Variants in ADGRL3 observed in about 807,000 individuals in gnomAD.
ADGRL3 encodes calcium-independent alpha-latrotoxin receptor 3.
ADGRL3 carries 62 observed loss-of-function variants against 153.5 expected under a neutral mutation model. The ratio of observed to expected loss-of-function variants is 0.40; its 90% CI spans 0.33 to 0.50. The LOEUF (loss-of-function observed/expected upper bound fraction) is 0.50. Ranked by LOEUF, ADGRL3 falls within the 20% of genes least tolerant of loss-of-function variation. The pLI, the probability that ADGRL3 is intolerant of heterozygous loss-of-function variation, is 0.47. For synonymous variants in ADGRL3, 710 were observed against 672.5 expected (o/e 1.06, Z -0.86); for missense variants, 1,641 against 1,859.4 (o/e 0.88, Z 2.16).
intron 5 of ADGRL3, among the ~76,000 whole-genome samples, chr4:61,595,724 C>G (rs1389506717): frequency 6.6e-6 from 1 of 152,100 alleles, no homozygotes; most frequent in African/African-American, 2.4e-5. Context: ...CCTAGCCTAG[C>G]ACTAGGAATT....
At chr4:61,966,309 T>C (rs2099006517) in intron 17 of ADGRL3, among the ~76,000 whole-genome samples, 1 of 152,152 alleles carries the variant, frequency 6.6e-6, no homozygotes, top group African/African-American at 2.4e-5. Flanking sequence ...TATTATATGG[T>C]TTTTATAATC....
chr4:61,739,684 C>A (rs1277716448), intron 8 of ADGRL3, among the ~76,000 whole-genome samples: 2 of 152,166 alleles, frequency 1.3e-5, no homozygotes, highest in African/African-American at 4.8e-5. Context: ...ACTGTCAGCA[C>A]ATGGATCTAT....
chr4:61,834,138 T>A (rs1024852027), intron 9 of ADGRL3, among the ~76,000 whole-genome samples: 19 of 111,634 alleles, frequency 1.7e-4, no homozygotes, highest in African/African-American at 6.2e-4. Context: ...CAGGCCCTGG[T>A]GTGTGATGTT....
At chr4:61,767,877 T>A (rs2097018705) in intron 8 of ADGRL3, among the ~76,000 whole-genome samples, 1 of 151,902 alleles carries the variant, frequency 6.6e-6, no homozygotes, top group African/African-American at 2.4e-5. Flanking sequence ...AATTGCAACT[T>A]TTTTCTGTTA....
chr4:61,895,655 G>A (rs1358491659), intron 10 of ADGRL3, 76 bp from the exon 11 acceptor site: 4 of 721,322 alleles, frequency 5.5e-6, no homozygotes, highest in Non-Finnish European at 9.1e-6. Context: ...TTTTACCTTT[G>A]CTTATTTTAA....
chr4:61,482,517 A>G (rs1448173632), intron 2 of ADGRL3, among the ~76,000 whole-genome samples: 3 of 152,148 alleles, frequency 2.0e-5, no homozygotes, highest in Non-Finnish European at 4.4e-5. Flanking sequence ...GGTGCTCCTG[A>G]ATTGTCCTTG....
chr4:61,514,170 A>G (rs1448202286), intron 3 of ADGRL3, among the ~76,000 whole-genome samples: 4 of 152,192 alleles, frequency 2.6e-5, no homozygotes, highest in African/African-American at 7.2e-5. Context: ...GGAGAATGCC[A>G]GGGCATAGAT....
In ADGRL3 at chr4:62,070,358, A is replaced by C; in HGVS notation, c.4082A>C (p.Asn1361Thr). ...RSSEQNRNLMNKLVNNLGSGR... is the reference protein window; with the variant it reads ...RSSEQNRNLMTKLVNNLGSGR... Reference sequence around the variant, plus strand: ...AGTGAACAGAACAGGAATCTGATGAACAAGCTGGTGAATAACCTTGGCAGT... The same window carrying C: ...AGTGAACAGAACAGGAATCTGATGACCAAGCTGGTGAATAACCTTGGCAGT... The change falls in exon 27 of 27, where the codon AAC becomes ACC. Residue 1361 changes from asparagine to threonine, a missense_variant. By Grantham distance (65) the Asn-to-Thr change is moderately conservative. Coordinates refer to ENST00000683033, the MANE Select transcript of ADGRL3 (RefSeq NM_001387552.1). 1 of 1,552,290 alleles carries C rather than the reference A, an allele frequency of 6.4e-7. No individual in the cohort carries two copies. Among genetic ancestry groups the C allele is most frequent in the African/African-American group, 1.4e-5 (1 of 73,128 alleles).
At chr4:61,281,406 T>G (rs1387988853) in intron 1 of ADGRL3, among the ~76,000 whole-genome samples, 1 of 152,182 alleles carries the variant, frequency 6.6e-6, no homozygotes, top group Non-Finnish European at 1.5e-5. Context: ...CTCTCGCACA[T>G]AAAACTGTAG....
chr4:61,475,202 T>C (rs2098030502), intron 2 of ADGRL3, among the ~76,000 whole-genome samples: 1 of 152,168 alleles, frequency 6.6e-6, no homozygotes, highest in African/African-American at 2.4e-5. Flanking sequence ...GCATATCACA[T>C]GCCGTAAGAT....
At chr4:61,558,307 T>A (rs961415383) in intron 4 of ADGRL3, among the ~76,000 whole-genome samples, 55 of 151,298 alleles carry the variant, frequency 3.6e-4, no homozygotes, top group African/African-American at 1.2e-3. Context: ...GTTCTTCTTA[T>A]GTGTTCCTGG....
At position 62,070,537 on chromosome 4, in the gene ADGRL3, A is replaced by G; in HGVS notation, c.4261A>G (p.Arg1421Gly). The change falls in exon 27 of 27, where the codon AGA (arginine) becomes GGA (glycine). Residue 1421 changes from arginine to glycine, a missense_variant. By Grantham distance (125) the Arg-to-Gly change is moderately radical. Coordinates refer to ENST00000683033, the MANE Select transcript of ADGRL3 (RefSeq NM_001387552.1). ...GAACCACCAGCCACACCATTATACC[A>G]GAAGGCGGATCCCCCAAGACCACAG... ...TENHQPHHYTRRRIPQDHSES... is the reference protein window; with the variant it reads ...TENHQPHHYTGRRIPQDHSES... 6.5e-7 allele frequency: 1 copy of G among 1,549,410 alleles called. No homozygotes were observed. The highest frequency in any genetic ancestry group is 2.5e-5 in the East Asian group (1 of 40,782).
chr4:61,622,129 A>G (rs1254024801), intron 5 of ADGRL3, among the ~76,000 whole-genome samples: 1 of 152,158 alleles, frequency 6.6e-6, no homozygotes, highest in Non-Finnish European at 1.5e-5. Context: ...TGAATTAAAC[A>G]TTTCAAATAA....
At chr4:61,790,877 G>A (rs902069090) in intron 8 of ADGRL3, among the ~76,000 whole-genome samples, 1 of 152,102 alleles carries the variant, frequency 6.6e-6, no homozygotes, top group Non-Finnish European at 1.5e-5. Context: ...TTGTGCAGGG[G>A]AACTCCTCTT....
chr4:61,267,474 A>ATCTGGATTG (rs2092920364), intron 1 of ADGRL3, among the ~76,000 whole-genome samples: 1 of 151,744 alleles, frequency 6.6e-6, no homozygotes, highest in Non-Finnish European at 1.5e-5. Context: ...GAGGAAGCAC[A>ATCTGGATTG]GATGGATTCA....
At chr4:61,873,396 T>C (rs1561396321) in intron 9 of ADGRL3, among the ~76,000 whole-genome samples, 1 of 152,244 alleles carries the variant, frequency 6.6e-6, no homozygotes, top group Non-Finnish European at 1.5e-5. Context: ...GCTTTGTATT[T>C]TGTGCTTTGC....
intron 8 of ADGRL3, among the ~76,000 whole-genome samples, chr4:61,794,405 T>G (rs2097381859): frequency 6.6e-6 from 1 of 152,204 alleles, no homozygotes; most frequent in Non-Finnish European, 1.5e-5. Flanking sequence ...TACTAATGTA[T>G]TCAAAAGAGA....
chr4:61,319,124 A>C (rs568562308), intron 1 of ADGRL3, among the ~76,000 whole-genome samples: 2 of 152,316 alleles, frequency 1.3e-5, no homozygotes, highest in South Asian at 4.1e-4. Flanking sequence ...CAATGTGTAC[A>C]CTGAAATAGT....
intron 24 of ADGRL3, among the ~76,000 whole-genome samples, chr4:62,043,571 G>A (rs1729530685): frequency 6.6e-6 from 1 of 151,990 alleles, no homozygotes; most frequent in Admixed American, 6.6e-5. Flanking sequence ...AATGTATTTG[G>A]AACATAACCC....
Sources: allele counts gnomAD v4.1 joint callset (sites outside exome capture counted in the v4.1 genomes callset), GRCh38; gene constraint gnomAD v4.1.1; transcripts MANE v1.5; gene names NCBI Gene and HGNC (gene_info 2026-07-23, HGNC 2026-07-21).